BMAL1: variants seen among roughly 807,000 people sequenced by gnomAD.
BMAL1 encodes the protein basic helix-loop-helix ARNT-like protein 1.
the BMAL1 span, among the ~76,000 whole-genome samples, chr11:13,314,900 G>A: frequency 6.6e-6 from 1 of 152,140 alleles, no homozygotes. Context: ...GACCCCAGGG[G>A]TCCCAAGTCA....
At chr11:13,340,393 C>T in the BMAL1 span, among the ~76,000 whole-genome samples, 6 of 152,302 alleles carry the variant, frequency 3.9e-5, no homozygotes, top group African/African-American at 1.4e-4. Context: ...ATCTTATCTC[C>T]CTGAGCAGCT....
chr11:13,330,900 C>G, the BMAL1 span, among the ~76,000 whole-genome samples: 114 of 152,308 alleles, frequency 7.5e-4, no homozygotes, highest in Admixed American at 2.0e-3. Flanking sequence ...GAGACATAAA[C>G]CCAGTGCTTT....
the BMAL1 span, among the ~76,000 whole-genome samples, chr11:13,341,199 TG>T: frequency 6.6e-6 from 1 of 152,168 alleles, no homozygotes; most frequent in Non-Finnish European, 1.5e-5. Context: ...CTGGCCAGCC[TG>T]CTCTGGAGAC....
chr11:13,363,164 A>G, the BMAL1 span, among the ~76,000 whole-genome samples: 6 of 124,464 alleles, frequency 4.8e-5, no homozygotes, highest in East Asian at 4.6e-4. Flanking sequence ...ATATATATAT[A>G]TATGTAAAAT....
chr11:13,324,251 T>G, the BMAL1 span, among the ~76,000 whole-genome samples: 1 of 152,182 alleles, frequency 6.6e-6, no homozygotes, highest in Non-Finnish European at 1.5e-5. Context: ...CTCTAAACTC[T>G]CCAGCGGCTT....
At chr11:13,325,902 C>G in the BMAL1 span, among the ~76,000 whole-genome samples, 231 of 151,370 alleles carry the variant, frequency 1.5e-3, 1 homozygote, top group African/African-American at 5.4e-3. Context: ...TAGTGAGAAG[C>G]GGGGAAAGAG....
the BMAL1 span, among the ~76,000 whole-genome samples, chr11:13,339,911 C>G: frequency 1.3e-5 from 2 of 152,228 alleles, no homozygotes; most frequent in Admixed American, 6.5e-5. Flanking sequence ...CTACCCCCAT[C>G]TGCAGCACTG....
At chr11:13,308,145 C>T in the BMAL1 span, among the ~76,000 whole-genome samples, 517 of 152,102 alleles carry the variant, frequency 3.4e-3, 2 homozygotes, top group African/African-American at 0.011. Context: ...GGATTAGATG[C>T]GGAGTGGGAG....
At chr11:13,360,718 C>T in the BMAL1 span, among the ~76,000 whole-genome samples, 1 of 152,210 alleles carries the variant, frequency 6.6e-6, no homozygotes, top group African/African-American at 2.4e-5. Context: ...AATCACATTT[C>T]TGCATGAAGA....
the BMAL1 span, among the ~76,000 whole-genome samples, chr11:13,323,419 G>A: frequency 2.0e-5 from 3 of 152,132 alleles, no homozygotes; most frequent in African/African-American, 4.8e-5. Context: ...TAACTAAACA[G>A]AAGTCTTGAT....
At chr11:13,317,055 G>A in the BMAL1 span, among the ~76,000 whole-genome samples, 2 of 152,168 alleles carry the variant, frequency 1.3e-5, no homozygotes, top group African/African-American at 4.8e-5. Flanking sequence ...GTTCTTGTGA[G>A]AGTGGAATGA....
At chr11:13,381,187 G>C in the BMAL1 span, 1 of 1,614,026 alleles carries the variant, frequency 6.2e-7, no homozygotes, top group Non-Finnish European at 8.5e-7. Flanking sequence ...CCTTCTAGCT[G>C]TGGCTCCAGC....
the BMAL1 span, among the ~76,000 whole-genome samples, chr11:13,305,378 A>T: frequency 6.6e-6 from 1 of 152,106 alleles, no homozygotes; most frequent in Non-Finnish European, 1.5e-5. Flanking sequence ...ATGGGGTTGT[A>T]TTTTTAATTT....
chr11:13,335,555 A>G, the BMAL1 span, among the ~76,000 whole-genome samples: 2 of 152,196 alleles, frequency 1.3e-5, no homozygotes, highest in Non-Finnish European at 2.9e-5. Context: ...GGAACAAAAG[A>G]TTGCCCAACA....
chr11:13,291,199 T>C, the BMAL1 span, among the ~76,000 whole-genome samples: 1 of 152,234 alleles, frequency 6.6e-6, no homozygotes. Flanking sequence ...ATGCTGTGAT[T>C]CTGATAACAA....
chr11:13,360,432 C>A, the BMAL1 span: 1 of 1,607,764 alleles, frequency 6.2e-7, no homozygotes, highest in South Asian at 1.1e-5. Flanking sequence ...AGGGTATGTT[C>A]AATTATGGGA....
At chr11:13,355,009 GAGTA>G in the BMAL1 span, 2 of 396,984 alleles carry the variant, frequency 5.0e-6, no homozygotes, top group South Asian at 6.4e-5. Context: ...CTTTTCGTTT[GAGTA>G]AGTAAATTTT....
chr11:13,378,659 C>A, the BMAL1 span: 10 of 569,894 alleles, frequency 1.8e-5, no homozygotes, highest in East Asian at 1.8e-4. Flanking sequence ...CCCCACCCAA[C>A]AAAGAATTAT....
At chr11:13,370,835 C>T in the BMAL1 span, among the ~76,000 whole-genome samples, 1 of 152,194 alleles carries the variant, frequency 6.6e-6, no homozygotes, top group African/African-American at 2.4e-5. Flanking sequence ...CATGCAGCCC[C>T]CGACCCTGCC....
Sources: gnomAD v4.1 joint callset for allele counts (sites outside exome capture counted in the v4.1 genomes callset) on GRCh38, gnomAD v4.1.1 for gene constraint, MANE v1.5 for transcripts, NCBI Gene and HGNC (gene_info 2026-07-23, HGNC 2026-07-21) for gene names.